Variants in PCDH9 observed in about 807,000 individuals in gnomAD.
PCDH9 encodes protocadherin-9.
A neutral mutation model predicts 70.6 loss-of-function variants in PCDH9; 24 were observed. The observed-to-expected ratio is 0.34, with a 90% confidence interval of 0.25 to 0.48. PCDH9 has a LOEUF of 0.48. Ranked by LOEUF, PCDH9 falls within the 20% of genes least tolerant of loss-of-function variation. PCDH9 has a pLI of 0.99. For synonymous variants in PCDH9, 562 were observed against 558.5 expected, an observed-to-expected ratio of 1.01 and a Z score of -0.09; for missense variants, 1,281 against 1,503.6, an observed-to-expected ratio of 0.85 and a Z score of 2.45.
At chr13:67,074,120 A>ATCTATCTATCTG (rs1328644662) in intron 2 of PCDH9, among the ~76,000 whole-genome samples, 49 of 149,864 alleles carry the variant, frequency 3.3e-4, no homozygotes, top group African/African-American at 1.1e-3. Flanking sequence ...CTATCTATCT[A>ATCTATCTATCTG]TCTGTCTATC....
At chr13:66,499,794 A>T (rs150235049) in intron 4 of PCDH9, among the ~76,000 whole-genome samples, 118 of 152,280 alleles carry the variant, frequency 7.7e-4, no homozygotes, top group Middle Eastern at 6.8e-3. Context: ...GATCATGGAG[A>T]TGGATCCTTC....
At chr13:67,093,018 C>T (rs1389140845) in intron 2 of PCDH9, among the ~76,000 whole-genome samples, 1 of 152,122 alleles carries the variant, frequency 6.6e-6, no homozygotes, top group Non-Finnish European at 1.5e-5. Flanking sequence ...AGTTATCACC[C>T]TGATAGGTTG....
intron 4 of PCDH9, among the ~76,000 whole-genome samples, chr13:66,507,767 G>A (rs1421443353): frequency 1.3e-5 from 2 of 151,966 alleles, no homozygotes; most frequent in African/African-American, 4.8e-5. Context: ...TGGCGCCCAG[G>A]CTGGAGTTCA....
intron 3 of PCDH9, among the ~76,000 whole-genome samples, chr13:66,781,143 A>G (rs147466062): frequency 6.6e-6 from 1 of 152,280 alleles, no homozygotes; most frequent in East Asian, 1.9e-4. Flanking sequence ...TAGATCTCCT[A>G]CTTCTAATTG....
At chr13:66,930,220 C>T (rs532169411) in intron 2 of PCDH9, among the ~76,000 whole-genome samples, 102 of 152,244 alleles carry the variant, frequency 6.7e-4, no homozygotes, top group African/African-American at 2.4e-3. Flanking sequence ...TCATTCAATA[C>T]TGTAACACCA....
intron 4 of PCDH9, among the ~76,000 whole-genome samples, chr13:66,337,512 A>G (rs549035339): frequency 6.8e-4 from 104 of 152,158 alleles, no homozygotes; most frequent in Non-Finnish European, 1.3e-3. Context: ...CAAGACTTGC[A>G]CTATTGAATT....
At chr13:66,710,081 AATC>A in intron 3 of PCDH9, among the ~76,000 whole-genome samples, 1 of 152,296 alleles carries the variant, frequency 6.6e-6, no homozygotes, top group Non-Finnish European at 1.5e-5. Flanking sequence ...AAAAAGGAAT[AATC>A]ATCATTTTAC....
chr13:66,438,940 T>A (rs1050849226), intron 4 of PCDH9, among the ~76,000 whole-genome samples: 2 of 152,192 alleles, frequency 1.3e-5, no homozygotes, highest in Non-Finnish European at 2.9e-5. Flanking sequence ...TAGGAGTTCT[T>A]CCCAATGCTG....
intron 2 of PCDH9, among the ~76,000 whole-genome samples, chr13:67,049,836 T>C (rs1028490402): frequency 6.6e-6 from 1 of 152,206 alleles, no homozygotes; most frequent in Non-Finnish European, 1.5e-5. Context: ...ATAAATACTT[T>C]TTTCTACTAT....
chr13:66,996,555 T>C (rs777693172), intron 2 of PCDH9, among the ~76,000 whole-genome samples: 2 of 152,196 alleles, frequency 1.3e-5, no homozygotes, highest in Non-Finnish European at 2.9e-5. Flanking sequence ...TGTGAAGAAT[T>C]TTAATAAGCA....
At chr13:67,100,539 G>A (rs1211888837) in intron 2 of PCDH9, among the ~76,000 whole-genome samples, 1 of 152,106 alleles carries the variant, frequency 6.6e-6, no homozygotes, top group Non-Finnish European at 1.5e-5. Flanking sequence ...TATACTTAAG[G>A]AATGCTGTTA....
intron 4 of PCDH9, among the ~76,000 whole-genome samples, chr13:66,330,888 T>C (rs1955930725): frequency 6.6e-6 from 1 of 152,208 alleles, no homozygotes; most frequent in South Asian, 2.1e-4. Flanking sequence ...AAGAGGATAC[T>C]GTTTGGAAAA....
chr13:67,162,178 A>T (rs1415113242), intron 2 of PCDH9, among the ~76,000 whole-genome samples: 1 of 152,246 alleles, frequency 6.6e-6, no homozygotes, highest in African/African-American at 2.4e-5. Flanking sequence ...TGGCCTAAAT[A>T]GCCATCCTAA....
intron 3 of PCDH9, among the ~76,000 whole-genome samples, chr13:66,750,077 A>T (rs536435235): frequency 3.3e-5 from 5 of 152,224 alleles, no homozygotes; most frequent in South Asian, 2.1e-4. Context: ...TCTCTCTCTC[A>T]CACACACACG....
chr13:66,412,424 A>G (rs1486817698), intron 4 of PCDH9, among the ~76,000 whole-genome samples: 1 of 152,222 alleles, frequency 6.6e-6, no homozygotes, highest in Non-Finnish European at 1.5e-5. Context: ...CCCTTTCCTT[A>G]GCAGAAATGT....
intron 4 of PCDH9, among the ~76,000 whole-genome samples, chr13:66,541,717 A>T (rs947734953): frequency 6.6e-6 from 1 of 152,164 alleles, no homozygotes; most frequent in Admixed American, 6.6e-5. Flanking sequence ...TTCTGCAAAT[A>T]TCCTGTTTCC....
chr13:67,038,375 G>C (rs531296815), intron 2 of PCDH9, among the ~76,000 whole-genome samples: 5 of 152,026 alleles, frequency 3.3e-5, no homozygotes, highest in Non-Finnish European at 7.4e-5. Context: ...ATCACTATAG[G>C]CTTGAGAGAA....
At chr13:66,429,651 A>G (rs1417647680) in intron 4 of PCDH9, among the ~76,000 whole-genome samples, 1 of 151,878 alleles carries the variant, frequency 6.6e-6, no homozygotes, top group Non-Finnish European at 1.5e-5. Context: ...AGGGGAGGAC[A>G]TCATTCATAA....
rs2089847034 is a variant in PCDH9, at chr13:67,225,787, A to G, written c.2654T>C (p.Val885Ala). 1 of 1,614,172 alleles carries G rather than the reference A, an allele frequency of 6.2e-7. No homozygotes were observed. Among genetic ancestry groups the G allele is most frequent in the East Asian group, 2.2e-5 (1 of 44,882 alleles). Reference sequence around the variant, plus strand: ...ATCGGGTTTGGACTCTTCGATAGTAACAAAGTTCAAAAGAGAGCTTTTGGG... The same window carrying G: ...ATCGGGTTTGGACTCTTCGATAGTAGCAAAGTTCAAAAGAGAGCTTTTGGG... ...KSPKSSLLNFVTIEESKPDDA... is the reference protein window; with the variant it reads ...KSPKSSLLNFATIEESKPDDA... Residue 885 changes from valine to alanine, a missense_variant, in exon 2 of 5, where the codon GTT becomes GCT. This residue lies in a region of PCDH9 where 207 missense variants were observed against 191.8 expected (regional missense o/e 1.08). Coordinates refer to ENST00000377865, the MANE Select transcript of PCDH9 (RefSeq NM_203487.3).
Sources: gnomAD v4.1 joint callset for allele counts (sites outside exome capture counted in the v4.1 genomes callset) on GRCh38, gnomAD v4.1.1 for gene constraint, gnomAD v4.1.1 regional missense constraint, MANE v1.5 for transcripts, NCBI Gene and HGNC (gene_info 2026-07-23, HGNC 2026-07-21) for gene names.